The following PCDHA2 variants were observed in gnomAD, a reference collection of about 807,000 sequenced individuals.
The protein encoded by PCDHA2 is protocadherin alpha-2.
PCDHA2 carries 58 observed loss-of-function variants against 66.0 expected under a neutral mutation model. The ratio of observed to expected loss-of-function variants is 0.88; its 90% confidence interval spans 0.71 to 1.09. The LOEUF (loss-of-function observed/expected upper bound fraction) is 1.09, where lower values mean the gene tolerates loss of function less well. Among genes scored for constraint, PCDHA2 ranks in the 50% least tolerant of loss-of-function variants. The probability of loss-of-function intolerance (pLI) is 0.00; values close to 1 mark genes in which losing one functional copy is unlikely to be tolerated. For missense variants in PCDHA2, 1,267 were observed against 1,242.3 expected (o/e 1.02, Z -0.30); for synonymous variants, 634 against 554.0 (o/e 1.14, Z -2.03).
chr5:140,870,759 G>C, intron 1 of PCDHA2: 1 of 1,613,572 alleles, frequency 6.2e-7, no homozygotes, highest in South Asian at 1.1e-5. Context: ...CGCTGCAGGT[G>C]TTCGTGCTGG....
At chr5:141,008,425 A>G (rs1195605563) in intron 3 of PCDHA2, among the ~76,000 whole-genome samples, 2 of 152,172 alleles carry the variant, frequency 1.3e-5, no homozygotes, top group East Asian at 1.9e-4. Context: ...CACTGGGATC[A>G]CTTTGCCCAG....
chr5:140,823,982 C>A, intron 1 of PCDHA2: 1 of 1,614,046 alleles, frequency 6.2e-7, no homozygotes, highest in Non-Finnish European at 8.5e-7. Context: ...CGGGGCAAGC[C>A]CACTCTGTTG....
chr5:140,872,452 T>G (rs1459875737), intron 1 of PCDHA2, among the ~76,000 whole-genome samples: 1 of 151,968 alleles, frequency 6.6e-6, no homozygotes, highest in East Asian at 1.9e-4. Context: ...CATAGCGAGA[T>G]CCTGTCTCTA....
chr5:140,858,489 C>A, intron 1 of PCDHA2: 1 of 1,498,912 alleles, frequency 6.7e-7, no homozygotes, highest in Non-Finnish European at 9.1e-7. Flanking sequence ...AATATTTTCT[C>A]TTACCGCATT....
At chr5:140,887,532 C>T (rs1161154809) in intron 1 of PCDHA2, among the ~76,000 whole-genome samples, 1 of 152,152 alleles carries the variant, frequency 6.6e-6, no homozygotes, top group African/African-American at 2.4e-5. Flanking sequence ...GAGTCTTCCT[C>T]TCCCCACCCC....
At chr5:140,849,768 G>A (rs1306922979) in intron 1 of PCDHA2, 2 of 1,598,386 alleles carry the variant, frequency 1.3e-6, no homozygotes, top group African/African-American at 2.7e-5. Flanking sequence ...CGAGCTGGTG[G>A]TTACCGCGCG....
At chr5:140,959,815 C>T (rs1239999748) in intron 1 of PCDHA2, among the ~76,000 whole-genome samples, 1 of 151,920 alleles carries the variant, frequency 6.6e-6, no homozygotes, top group Non-Finnish European at 1.5e-5. Context: ...TATATTTTAC[C>T]CACATGATAA....
intron 1 of PCDHA2, chr5:140,802,607 G>A (rs782607988): frequency 6.8e-6 from 11 of 1,613,944 alleles, no homozygotes; most frequent in Admixed American, 1.7e-5. Flanking sequence ...ACAACCCGCC[G>A]GGCTGCCACA....
intron 1 of PCDHA2, chr5:140,823,910 T>C: frequency 6.2e-7 from 1 of 1,613,972 alleles, no homozygotes. Flanking sequence ...CTGCTGGTGC[T>C]CACGCTGCTG....
chr5:140,847,504 T>C (rs1781050995), intron 1 of PCDHA2: 1 of 149,690 alleles, frequency 6.7e-6, no homozygotes. Flanking sequence ...ACAACAAAAC[T>C]TTGTAGAACT....
intron 1 of PCDHA2, among the ~76,000 whole-genome samples, chr5:140,901,937 A>G (rs2068997026): frequency 6.7e-6 from 1 of 148,692 alleles, no homozygotes; most frequent in South Asian, 2.1e-4. Context: ...ATTCCTAGGT[A>G]TATTTAGTTT....
intron 1 of PCDHA2, among the ~76,000 whole-genome samples, chr5:140,964,454 T>G (rs1392277569): frequency 6.6e-6 from 1 of 152,132 alleles, no homozygotes. Flanking sequence ...CTGTAATCTC[T>G]TCCTTAAGTG....
intron 1 of PCDHA2, among the ~76,000 whole-genome samples, chr5:140,956,852 G>T (rs931766503): frequency 3.3e-5 from 5 of 152,060 alleles, no homozygotes; most frequent in African/African-American, 1.2e-4. Context: ...TGGGTTAAAT[G>T]GTTGAATGAA....
Position 140,850,613 on chromosome 5 carries a change from G to A in PCDHA2, c.2388+53261G>A. 4.4e-6 allele frequency: 7 copies of A among 1,598,580 alleles called. 1 individual carries two copies. The highest frequency in any genetic ancestry group is 6.0e-6 in the Non-Finnish European group (7 of 1,167,886). ...TGTACCTGATCATCGCCATCTGCGC[G>A]GTGTCTAGCCTGTTGGTTCTCACGC... On this transcript the variant is annotated intron_variant, in intron 1 of 3. Coordinates refer to ENST00000526136, the MANE Select transcript of PCDHA2 (RefSeq NM_018905.3).
At chr5:140,878,933 A>G (rs2057778648) in intron 1 of PCDHA2, among the ~76,000 whole-genome samples, 2 of 152,224 alleles carry the variant, frequency 1.3e-5, no homozygotes, top group Admixed American at 1.3e-4. Context: ...AATAATTTTA[A>G]ATAAATATAT....
intron 1 of PCDHA2, chr5:140,851,385 AGTATCTATTATTTT>A: frequency 4.1e-6 from 4 of 975,218 alleles, no homozygotes; most frequent in Non-Finnish European, 5.0e-6. Flanking sequence ...AGCAACCTTC[AGTATCTATTATTTT>A]AATAAGAAAG....
At chr5:140,934,636 G>A (rs782329021) in intron 1 of PCDHA2, among the ~76,000 whole-genome samples, 17 of 151,974 alleles carry the variant, frequency 1.1e-4, no homozygotes, top group Non-Finnish European at 1.9e-4. Flanking sequence ...CACAGGAAAG[G>A]CAGGATAAAT....
chr5:140,867,676 G>T (rs2050100182), intron 1 of PCDHA2: 1 of 151,988 alleles, frequency 6.6e-6, no homozygotes, highest in Admixed American at 6.6e-5. Flanking sequence ...CTAAAATTTT[G>T]TTGCATCTTC....
intron 1 of PCDHA2, among the ~76,000 whole-genome samples, chr5:140,897,060 A>G (rs2153455161): frequency 6.6e-6 from 1 of 152,068 alleles, no homozygotes; most frequent in East Asian, 1.9e-4. Flanking sequence ...GTCAAATACT[A>G]TGTCTTATTC....
Sources: gnomAD v4.1 joint callset for allele counts (sites outside exome capture counted in the v4.1 genomes callset) on GRCh38, gnomAD v4.1.1 for gene constraint, MANE v1.5 for transcripts, NCBI Gene and HGNC (gene_info 2026-07-23, HGNC 2026-07-21) for gene names.